Variants in ATP6V1H observed in about 807,000 individuals in gnomAD.
ATP6V1H encodes the protein ATPase H+ transporting V1 subunit H.
In ATP6V1H, 39 loss-of-function variants were observed where a neutral mutation model predicts 71.7. That is an observed-to-expected ratio of 0.54 (90% CI 0.42 to 0.71). The LOEUF is 0.71. Among genes scored for constraint, ATP6V1H ranks in the 30% least tolerant of loss-of-function variants. ATP6V1H has a pLI of 0.00. For missense variants in ATP6V1H, 509 were observed against 594.9 expected, an observed-to-expected ratio of 0.86 and a Z score of 1.50; for synonymous variants, 192 against 199.3, an observed-to-expected ratio of 0.96 and a Z score of 0.31.
chr8:53,823,291 A>T (rs983861636), intron 4 of ATP6V1H, among the ~76,000 whole-genome samples: 1 of 152,224 alleles, frequency 6.6e-6, no homozygotes, highest in Admixed American at 6.5e-5. Context: ...TTAAAACATG[A>T]TATTTTGAAA....
At chr8:53,758,961 A>G (rs1056696713) in intron 11 of ATP6V1H, among the ~76,000 whole-genome samples, 2 of 152,252 alleles carry the variant, frequency 1.3e-5, no homozygotes, top group Non-Finnish European at 2.9e-5. Context: ...GCCTTAAACT[A>G]TTCTCAGTGA....
chr8:53,838,127 CT>C (rs11388813), intron 2 of ATP6V1H, among the ~76,000 whole-genome samples: 16 of 146,332 alleles, frequency 1.1e-4, no homozygotes, highest in East Asian at 4.0e-4. Context: ...CTGTTACTGT[CT>C]TTTTTTTTTT....
At chr8:53,761,116 C>A (rs1808258194) in intron 11 of ATP6V1H, among the ~76,000 whole-genome samples, 2 of 152,120 alleles carry the variant, frequency 1.3e-5, no homozygotes, top group Admixed American at 1.3e-4. Flanking sequence ...GTGGGCAGAT[C>A]ACGAGGTCAG....
intron 10 of ATP6V1H, among the ~76,000 whole-genome samples, chr8:53,769,969 T>C (rs1186744655): frequency 6.6e-6 from 1 of 152,174 alleles, no homozygotes; most frequent in African/African-American, 2.4e-5. Flanking sequence ...CAAATTTGAA[T>C]GCTGGGTATG....
At chr8:53,754,620 G>T (rs1807924974) in intron 12 of ATP6V1H, among the ~76,000 whole-genome samples, 1 of 152,198 alleles carries the variant, frequency 6.6e-6, no homozygotes, top group Non-Finnish European at 1.5e-5. Flanking sequence ...ATACTTGAAG[G>T]TTCCTTATGA....
At chr8:53,823,160 A>G (rs1810715341) in intron 4 of ATP6V1H, among the ~76,000 whole-genome samples, 1 of 152,166 alleles carries the variant, frequency 6.6e-6, no homozygotes, top group Non-Finnish European at 1.5e-5. Context: ...TCTGATAAAT[A>G]TAAATCAAAC....
rs936619934 is a variant in ATP6V1H, at chr8:53,783,463, A to G, written c.871-11296T>C. 3.3e-5 allele frequency among the ~76,000 whole-genome samples: 5 copies of G among 152,104 alleles called. No individual in the cohort carries two copies. The East Asian group carries it at 9.7e-4, about 29-fold the overall frequency. On this transcript the variant is annotated intron_variant, in intron 9 of 13. Coordinates refer to ENST00000359530, the MANE Select transcript of ATP6V1H (RefSeq NM_015941.4). ...TCTTTATTAGTCTTGCTAGTGCTCT[A>G]TCAATTTGTTGATCTTTTCAAAAAG...
chr8:53,774,983 G>A (rs914770522), intron 9 of ATP6V1H, among the ~76,000 whole-genome samples: 1 of 152,218 alleles, frequency 6.6e-6, no homozygotes, highest in Non-Finnish European at 1.5e-5. Flanking sequence ...GCAATTGGTG[G>A]GTTCTTGGTC....
At chr8:53,835,538 A>G (rs895777283) in intron 2 of ATP6V1H, among the ~76,000 whole-genome samples, 1 of 152,202 alleles carries the variant, frequency 6.6e-6, no homozygotes, top group Admixed American at 6.5e-5. Context: ...GGTTTTGTAC[A>G]TACTACTGCT....
intron 8 of ATP6V1H, among the ~76,000 whole-genome samples, chr8:53,797,334 A>G (rs999631388): frequency 2.0e-5 from 3 of 152,232 alleles, no homozygotes; most frequent in African/African-American, 7.2e-5. Context: ...TCAACCCGGC[A>G]GCAGCAGTTC....
intron 11 of ATP6V1H, among the ~76,000 whole-genome samples, chr8:53,759,676 C>A (rs1808196246): frequency 6.6e-6 from 1 of 152,196 alleles, no homozygotes; most frequent in Non-Finnish European, 1.5e-5. Flanking sequence ...TTCTCTTTCA[C>A]AATGTTTTCC....
At chr8:53,820,566 C>T (rs1810617161) in intron 4 of ATP6V1H, among the ~76,000 whole-genome samples, 1 of 150,998 alleles carries the variant, frequency 6.6e-6, no homozygotes. Flanking sequence ...ACTCAAGATG[C>T]TGAGGTGCGA....
chr8:53,764,636 C>T (rs759617871), intron 11 of ATP6V1H, among the ~76,000 whole-genome samples: 1 of 152,050 alleles, frequency 6.6e-6, no homozygotes, highest in African/African-American at 2.4e-5. Flanking sequence ...CAAGGATGTA[C>T]CCTCTCATCA....
chr8:53,750,492 T>A (rs1036867776), intron 12 of ATP6V1H, among the ~76,000 whole-genome samples: 1 of 152,172 alleles, frequency 6.6e-6, no homozygotes, highest in Non-Finnish European at 1.5e-5. Context: ...AGGACATTAT[T>A]CGAGGACCTG....
At chr8:53,811,945 T>C (rs894425150) in intron 6 of ATP6V1H, among the ~76,000 whole-genome samples, 3 of 152,182 alleles carry the variant, frequency 2.0e-5, no homozygotes, top group Non-Finnish European at 2.9e-5. Context: ...TTTTGAAAGT[T>C]TATTTCTATT....
Position 53,795,649 on chromosome 8 carries a change from G to T in ATP6V1H, c.868C>A (p.Arg290Ser). Residue 290 changes from arginine to serine, a missense_variant and splice_region_variant, in exon 9 of 14, where the codon CGT (arginine) becomes AGT (serine). Physicochemically the swap from Arg to Ser is moderately radical, Grantham distance 110 (BLOSUM62 -1). This residue lies in a region of ATP6V1H where 212 missense variants were observed against 291.6 expected (regional missense o/e 0.73). Coordinates refer to ENST00000359530, the MANE Select transcript of ATP6V1H (RefSeq NM_015941.4). ...ACAAACCAACATAAAACACTTACAC[G>T]AAATGCTGCAAGAATGATTCTTGTT... ...KVTRIILAAF[R>S]NFLEKSTERE... 12 of 1,612,508 alleles carry T rather than the reference G, an allele frequency of 7.4e-6. No individual in the cohort carries two copies. Among genetic ancestry groups the T allele is most frequent in the Non-Finnish European group, 1.0e-5 (12 of 1,179,488 alleles).
chr8:53,776,309 T>A (rs1281763115), intron 9 of ATP6V1H, among the ~76,000 whole-genome samples: 2 of 151,482 alleles, frequency 1.3e-5, no homozygotes, highest in Non-Finnish European at 2.9e-5. Context: ...GCTGAGGGAG[T>A]GGGCTCTGGC....
chr8:53,755,715 TATATATATATATATATATATATA>T (rs1808010898), intron 12 of ATP6V1H, among the ~76,000 whole-genome samples: 3 of 6,846 alleles, frequency 4.4e-4, no homozygotes, highest in African/African-American at 2.3e-3. Flanking sequence ...TATATATATA[TATATATATATATATATATATATA>T]TATATATTTT....
At chr8:53,825,729 C>T (rs933257736) in intron 4 of ATP6V1H, among the ~76,000 whole-genome samples, 1 of 152,008 alleles carries the variant, frequency 6.6e-6, no homozygotes, top group African/African-American at 2.4e-5. Flanking sequence ...AGACACATAC[C>T]TTACACTATA....
Sources: allele counts gnomAD v4.1 joint callset (sites outside exome capture counted in the v4.1 genomes callset), GRCh38; gene constraint gnomAD v4.1.1; regional missense constraint gnomAD v4.1.1; transcripts MANE v1.5; gene names NCBI Gene and HGNC (gene_info 2026-07-23, HGNC 2026-07-21).